The following MDGA2 variants were observed in gnomAD, a reference collection of about 807,000 sequenced individuals.
MDGA2 encodes the protein MAM domain-containing glycosylphosphatidylinositol anchor protein 2.
A neutral mutation model predicts 117.8 loss-of-function variants in MDGA2; 40 were observed. The observed-to-expected ratio is 0.34, with a 90% CI of 0.26 to 0.44. The LOEUF is 0.44. MDGA2 is among the 20% of genes least tolerant of loss of function. The probability of loss-of-function intolerance (pLI) is 1.00; values close to 1 mark genes in which losing one functional copy is unlikely to be tolerated. For missense variants in MDGA2, 1,123 were observed against 1,250.6 expected (o/e 0.90, Z 1.54); for synonymous variants, 452 against 439.0 (o/e 1.03, Z -0.37).
chr14:47,578,400 G>C (rs1896156026), intron 1 of MDGA2, among the ~76,000 whole-genome samples: 1 of 151,878 alleles, frequency 6.6e-6, no homozygotes, highest in Non-Finnish European at 1.5e-5. Context: ...CTTGTATCTT[G>C]GAACTTAAAG....
At chr14:47,051,070 G>C (rs2138723947) in intron 7 of MDGA2, among the ~76,000 whole-genome samples, 1 of 152,008 alleles carries the variant, frequency 6.6e-6, no homozygotes, top group East Asian at 1.9e-4. Context: ...CTGAATATTT[G>C]AAATGCCTGA....
At chr14:47,134,285 C>A (rs759963505) in intron 4 of MDGA2, among the ~76,000 whole-genome samples, 10 of 151,922 alleles carry the variant, frequency 6.6e-5, no homozygotes. Flanking sequence ...AATACTTTTT[C>A]AGTTAATAGT....
At chr14:47,137,724 G>C (rs1244213793) in intron 4 of MDGA2, among the ~76,000 whole-genome samples, 2 of 151,908 alleles carry the variant, frequency 1.3e-5, no homozygotes, top group African/African-American at 4.8e-5. Context: ...ACAAAACACA[G>C]AACACAATAA....
chr14:47,174,652 A>T (rs773327770), intron 3 of MDGA2, among the ~76,000 whole-genome samples: 1 of 152,126 alleles, frequency 6.6e-6, no homozygotes, highest in Non-Finnish European at 1.5e-5. Context: ...CAAAGCAGTG[A>T]GTAGATGGAA....
At chr14:47,584,647 A>C (rs1896290653) in intron 1 of MDGA2, among the ~76,000 whole-genome samples, 1 of 151,798 alleles carries the variant, frequency 6.6e-6, no homozygotes, top group Non-Finnish European at 1.5e-5. Context: ...CTATTGCATA[A>C]ATCAAAATCA....
intron 1 of MDGA2, among the ~76,000 whole-genome samples, chr14:47,437,546 G>C (rs1164616750): frequency 6.6e-6 from 1 of 151,954 alleles, no homozygotes; most frequent in Admixed American, 6.6e-5. Context: ...CTCATGTCTT[G>C]TACTCAAATC....
chr14:47,453,912 G>A (rs976360059), intron 1 of MDGA2, among the ~76,000 whole-genome samples: 1 of 152,180 alleles, frequency 6.6e-6, no homozygotes, highest in Non-Finnish European at 1.5e-5. Context: ...GTTAGCTGAT[G>A]AAATAGGAAG....
chr14:47,307,508 C>T (rs186732906), intron 1 of MDGA2, among the ~76,000 whole-genome samples: 3 of 152,176 alleles, frequency 2.0e-5, no homozygotes, highest in African/African-American at 4.8e-5. Flanking sequence ...TGGTGAAACC[C>T]AGTCTCTACT....
chr14:47,350,087 T>C (rs1247842631), intron 1 of MDGA2, among the ~76,000 whole-genome samples: 1 of 152,230 alleles, frequency 6.6e-6, no homozygotes, highest in African/African-American at 2.4e-5. Flanking sequence ...TTGCTTGGAA[T>C]TCGATTCCCT....
Position 47,366,048 on chromosome 14 carries a change from G to A in MDGA2, c.281-64498C>T, listed in dbSNP as rs148972819. Among the ~76,000 whole-genome samples, 113 of 152,238 alleles carry A rather than the reference G, an allele frequency of 7.4e-4. 2 individuals are homozygous for A. The highest frequency in any genetic ancestry group is 2.3e-3 in the African/African-American group (97 of 41,548). On this transcript the variant is annotated intron_variant, in intron 1 of 16. Coordinates refer to ENST00000399232, the MANE Select transcript of MDGA2 (RefSeq NM_001113498.3). ...CATGTATGAAGGAAAAAGAAAAGGC[G>A]GAAAATCCTAGCTCCAAAGCACTTT...
At chr14:46,968,583 C>T (rs904095602) in intron 8 of MDGA2, among the ~76,000 whole-genome samples, 6 of 151,928 alleles carry the variant, frequency 3.9e-5, no homozygotes, top group African/African-American at 7.3e-5. Flanking sequence ...CCTGTAATCC[C>T]GGCACTTTGG....
intron 8 of MDGA2, among the ~76,000 whole-genome samples, chr14:46,968,188 A>T (rs1021891123): frequency 3.3e-5 from 5 of 152,058 alleles, no homozygotes; most frequent in Non-Finnish European, 7.4e-5. Flanking sequence ...CTGAAGACAA[A>T]TCTCCCTGAT....
intron 9 of MDGA2, among the ~76,000 whole-genome samples, chr14:46,937,906 A>G (rs375562034): frequency 6.6e-6 from 1 of 151,998 alleles, no homozygotes. Flanking sequence ...GATTTTATGA[A>G]TAAGACTTCA....
chr14:47,363,441 A>G (rs1594817832), intron 1 of MDGA2, among the ~76,000 whole-genome samples: 2 of 152,002 alleles, frequency 1.3e-5, no homozygotes, highest in East Asian at 3.9e-4. Context: ...TATTTTTAGT[A>G]GAGGTGGGGT....
intron 1 of MDGA2, among the ~76,000 whole-genome samples, chr14:47,394,690 A>G (rs1891968802): frequency 6.6e-6 from 1 of 152,174 alleles, no homozygotes; most frequent in South Asian, 2.1e-4. Context: ...GAATTTCATA[A>G]CTATATAACT....
Position 46,855,114 on chromosome 14 carries a change from T to G in MDGA2, c.2793A>C (p.Thr931=), listed in dbSNP as rs779702201. The G allele has an allele frequency of 5.0e-6, 8 of 1,611,156 alleles. No homozygotes were observed. In the African/African-American group the frequency reaches 9.4e-5, roughly 19 times the overall value. ...TTGAAGACCACAGTGGATTCTCTAT[T>G]GTTGTTTGCCCTTTCAAACGTAGAT... ...NVYLRLKGQT[T]IENPLWSSSG... The change falls in exon 15 of 17, where the codon ACA becomes ACC. Residue 931 remains threonine (T), a synonymous_variant. Transcript: ENST00000399232. This position sits in a 1 kb window ranked among gnomAD's most constrained non-coding sequence, Gnocchi z 4.1.
intron 2 of MDGA2, among the ~76,000 whole-genome samples, chr14:47,297,003 A>G (rs544282425): frequency 1.3e-5 from 2 of 152,288 alleles, no homozygotes; most frequent in East Asian, 1.9e-4. Flanking sequence ...GCTGGCCCCA[A>G]TGCAGGGGTT....
chr14:46,856,741 C>T (rs1881282454), intron 14 of MDGA2, among the ~76,000 whole-genome samples: 2 of 151,500 alleles, frequency 1.3e-5, no homozygotes, highest in African/African-American at 2.4e-5. Flanking sequence ...TTTCCTTCTC[C>T]CTCTCTCCTT....
chr14:46,932,472 A>C (rs961592466), intron 9 of MDGA2, among the ~76,000 whole-genome samples: 8 of 152,110 alleles, frequency 5.3e-5, no homozygotes, highest in Non-Finnish European at 1.0e-4. Context: ...AAATGATCTA[A>C]ATTTAAAAAT....
Sources: allele counts gnomAD v4.1 joint callset (sites outside exome capture counted in the v4.1 genomes callset), GRCh38; gene constraint gnomAD v4.1.1; non-coding constraint Gnocchi (gnomAD v3.1); transcripts MANE v1.5; gene names NCBI Gene and HGNC (gene_info 2026-07-23, HGNC 2026-07-21).